Variants in PNKP observed in about 807,000 individuals in gnomAD.
The protein encoded by PNKP is bifunctional polynucleotide phosphatase/kinase.
A neutral mutation model predicts 66.2 loss-of-function variants in PNKP; 82 were observed. That is an observed-to-expected ratio of 1.24 (90% CI 1.04 to 1.49). The LOEUF (loss-of-function observed/expected upper bound fraction) is 1.49, where lower values mean the gene tolerates loss of function less well. Among genes scored for constraint, PNKP ranks in the 40% most tolerant of loss-of-function variants. The pLI, the probability that PNKP is intolerant of heterozygous loss-of-function variation, is 0.00. For missense variants in PNKP, 907 were observed against 706.8 expected, an observed-to-expected ratio of 1.28 and a Z score of -3.21; for synonymous variants, 412 against 298.9, an observed-to-expected ratio of 1.38 and a Z score of -3.90.
chr19:49,866,074 G>A (rs1186247333), intron 3 of PNKP: 2 of 418,562 alleles, frequency 4.8e-6, no homozygotes, highest in South Asian at 2.1e-5. Context: ...GTACAGTGTG[G>A]TGATCACTGC....
chr19:49,865,388 C>T lies in PNKP; in HGVS notation c.237G>A (p.Leu79=). 6.2e-7 allele frequency: 1 copy of T among 1,612,706 alleles called. No individual in the cohort carries two copies. Among genetic ancestry groups the T allele is most frequent in the Non-Finnish European group, 8.5e-7 (1 of 1,179,370 alleles). ...VNPSTTGTQE[L]KPGLEGSLGV... Reference sequence around the variant, plus strand: ...CCAGAGAGCCCTCCAACCCCGGCTTCAACTCCTGGGTCCCGGTAGTTGAGG... The same window carrying T: ...CCAGAGAGCCCTCCAACCCCGGCTTTAACTCCTGGGTCCCGGTAGTTGAGG... Residue 79 remains leucine, a synonymous_variant, in exon 4 of 17, where the codon TTG becomes TTA. Transcript: ENST00000322344.
intron 3 of PNKP, 64 bp downstream of exon 3, chr19:49,866,335 G>T: frequency 6.9e-7 from 1 of 1,451,456 alleles, no homozygotes; most frequent in Non-Finnish European, 9.7e-7. Flanking sequence ...CTTCACTGAC[G>T]GCTTGCAATT....
Position 49,861,530 on chromosome 19 carries a change from G to A in PNKP, c.1387-20C>T. The A allele has an allele frequency of 6.2e-7, 1 of 1,612,488 alleles. No homozygotes were observed. Among genetic ancestry groups the A allele is most frequent in the Non-Finnish European group, 8.5e-7 (1 of 1,179,000 alleles). Reference sequence around the variant, plus strand: ...TCGAAACTGTGGGGAACATCAGAGGGGCGGCAGGCCCAGGGGTCAGGGGAG... The same window carrying A: ...TCGAAACTGTGGGGAACATCAGAGGAGCGGCAGGCCCAGGGGTCAGGGGAG... On this transcript the variant is annotated intron_variant, in intron 15 of 16. Coordinates refer to ENST00000322344, the MANE Select transcript of PNKP (RefSeq NM_007254.4).
At position 49,863,716 on chromosome 19, in the gene PNKP, C is replaced by G; in HGVS notation, c.789G>C (p.Thr263=). ...THAGLYRKPV[T]GMWDHLQEQA... is the part of the protein sequence containing the mutation. ...GCTCCTGCAGATGGTCCCACATGCC[C>G]GTCACCGGCTTCCGGTACAAGCCTG... The change falls in exon 8 of 17, where the codon ACG becomes ACC. Residue 263 remains threonine (T), a synonymous_variant. Transcript: ENST00000322344. The G allele has an allele frequency of 1.3e-6, 2 of 1,557,624 alleles. No individual in the cohort carries two copies. The highest frequency in any genetic ancestry group is 1.7e-6 in the Non-Finnish European group (2 of 1,150,138).
In PNKP at chr19:49,865,307, C is replaced by T. The variant is rs2074810148; in HGVS notation, c.318G>A (p.Trp106Ter). The change falls in exon 4 of 17, where the codon TGG (tryptophan) becomes TGA (stop). Residue 106 changes from tryptophan to a stop codon, truncating the protein, a stop_gained. Coordinates refer to ENST00000322344, the MANE Select transcript of PNKP (RefSeq NM_007254.4). LOFTEE classifies it high-confidence loss of function. Reference sequence around the variant, plus strand: ...GGGATTCTGGTGTGCGGGTCTCTTCCCAGCGCAGGGTCAGTGGGTGGAGGC... The same window carrying T: ...GGGATTCTGGTGTGCGGGTCTCTTCTCAGCGCAGGGTCAGTGGGTGGAGGC... The part of the protein sequence containing the change: ...VNGLHPLTLR[W>*]EETRTPESQP... The T allele has an allele frequency of 1.9e-6, 3 of 1,614,054 alleles. No individual in the cohort carries two copies. The Admixed American group carries it at 5.0e-5, about 27-fold the overall frequency.
chr19:49,861,634 G>T lies in PNKP; in HGVS notation c.1360C>A (p.Leu454Met), dbSNP rs200611702. ...PCRCFLFTAT[L>M]EQARHNNRFR... ...CGGTTGTTGTGGCGCGCCTGCTCCA[G>T]AGTGGCGGTGAAGAGGAAGCAGCGG... Residue 454 changes from leucine to methionine, a missense_variant, in exon 15 of 17, where the codon CTG (leucine) becomes ATG (methionine). Leu to Met is a conservative substitution (Grantham distance 15). Transcript: ENST00000322344. 1,203 of 1,552,620 alleles carry T rather than the reference G, an allele frequency of 7.7e-4. 3 individuals carry two copies. Among genetic ancestry groups the T allele is most frequent in the Middle Eastern group, 3.2e-3 (18 of 5,554 alleles).
At position 49,865,156 on chromosome 19, in the gene PNKP, T is replaced by C. The variant is rs376383779; in HGVS notation, c.469A>G (p.Thr157Ala). Residue 157 changes from threonine to alanine, a missense_variant, in exon 4 of 17, where the codon ACC (threonine) becomes GCC (alanine). Transcript: ENST00000322344. Reference protein sequence around the residue: ...WENLEKLLVFTAAGVKPQGKV... With the variant: ...WENLEKLLVFAAAGVKPQGKV... ...CCCTGGGGTTTCACCCCAGCTGCGG[T>C]GAACACTAGCAACTTCTCCAAGTTC... The C allele has an allele frequency of 2.5e-6, 4 of 1,614,132 alleles. No homozygotes were observed. Among genetic ancestry groups the C allele is most frequent in the Non-Finnish European group, 3.4e-6 (4 of 1,180,018 alleles).
intron 8 of PNKP, among the ~76,000 whole-genome samples, chr19:49,863,029 G>A (rs1174449501): frequency 6.6e-6 from 1 of 152,066 alleles, no homozygotes; most frequent in African/African-American, 2.4e-5. Flanking sequence ...GCGTGCCGGC[G>A]CCTCCCAGGT....
At chr19:49,863,025 C>G (rs546909326) in intron 8 of PNKP, among the ~76,000 whole-genome samples, 1 of 152,154 alleles carries the variant, frequency 6.6e-6, no homozygotes, top group South Asian at 2.1e-4. Flanking sequence ...TCCGGCGTGC[C>G]GGCGCCTCCC....
At position 49,861,263 on chromosome 19, in the gene PNKP, C is replaced by T. The variant is rs771913446; in HGVS notation, c.1551G>A (p.Gln517=). 7 of 1,607,268 alleles carry T rather than the reference C, an allele frequency of 4.4e-6. No homozygotes were observed. The highest frequency in any genetic ancestry group is 3.3e-5 in the Admixed American group (2 of 60,000). Residue 517 remains glutamine, a synonymous_variant, in exon 17 of 17, where the codon CAG becomes CAA. Coordinates refer to ENST00000322344, the MANE Select transcript of PNKP (RefSeq NM_007254.4). ...TGGGCGGGGCTCAGCCCTCGGAGAACTGGCAGTACAGCCGCCCCAGCCTCG... is the reference window on the plus strand; with the variant it reads ...TGGGCGGGGCTCAGCCCTCGGAGAATTGGCAGTACAGCCGCCCCAGCCTCG... ...VEPRLGRLYC[Q]FSEG
rs376683150 is a variant in PNKP at position 49,861,478 on chromosome 19, G to A, written c.1419C>T (p.Pro473=). The A allele has an allele frequency of 1.1e-5, 18 of 1,613,746 alleles. No homozygotes were observed. The highest frequency in any genetic ancestry group is 1.4e-5 in the Non-Finnish European group (17 of 1,179,858). Residue 473 remains proline, a synonymous_variant, in exon 16 of 17, where the codon CCC becomes CCT. Transcript: ENST00000322344. ...FREMTDSSHI[P]VSDMVMYGYR... ...AGCCATACATGACCATGTCTGACAC[G>A]GGGATATGAGAGGAGTCCGTCATCT...
chr19:49,862,965 C>CGTT, intron 8 of PNKP: 1 of 645,454 alleles, frequency 1.5e-6, no homozygotes, highest in South Asian at 1.7e-5. Flanking sequence ...CACCTCCTCC[C>CGTT]GTTCCCCACG....
In PNKP at chr19:49,862,906, C is replaced by G. The variant is rs937247059; in HGVS notation, c.817-168G>C. The G allele has an allele frequency of 8.0e-6, 6 of 746,524 alleles. No homozygotes were observed. In the African/African-American group the frequency reaches 8.6e-5, roughly 11 times the overall value. 46.2% of individuals were successfully genotyped at this position (746,524 alleles called of 1,614,324 possible). ...TGCACCGTGCTCCTGGCCCCCTCCCCCCTCCGTGGTCTCTCCACACAGCCC... is the reference window on the plus strand; with the variant it reads ...TGCACCGTGCTCCTGGCCCCCTCCCGCCTCCGTGGTCTCTCCACACAGCCC... On this transcript the variant is annotated intron_variant, in intron 8 of 16. Coordinates refer to ENST00000322344, the MANE Select transcript of PNKP (RefSeq NM_007254.4).
rs587784367 is a variant in PNKP at position 49,865,323 on chromosome 19, G to A, written c.302C>T (p.Pro101Leu). Reference protein sequence around the residue: ...DTLYLVNGLHPLTLRWEETRT... With the variant: ...DTLYLVNGLHLLTLRWEETRT... ...GGTCTCTTCCCAGCGCAGGGTCAGT[G>A]GGTGGAGGCCATTGACCAAATACAG... Residue 101 changes from proline (P) to leucine (L), a missense_variant, in exon 4 of 17, where the codon CCA (proline) becomes CTA (leucine). By Grantham distance (98) the Pro-to-Leu change is moderately conservative. Transcript: ENST00000322344. 3 of 1,614,160 alleles carry A rather than the reference G, an allele frequency of 1.9e-6. No homozygotes were observed. The highest frequency in any genetic ancestry group is 2.5e-6 in the Non-Finnish European group (3 of 1,180,016).
In PNKP at chr19:49,862,028, A is replaced by T. The variant is rs1254862884; in HGVS notation, c.1188+16T>A. 7 of 1,613,924 alleles carry T rather than the reference A, an allele frequency of 4.3e-6. No homozygotes were observed. The highest frequency in any genetic ancestry group is 5.9e-6 in the Non-Finnish European group (7 of 1,179,794). On this transcript the variant is annotated intron_variant, in intron 13 of 16. Coordinates refer to ENST00000322344, the MANE Select transcript of PNKP (RefSeq NM_007254.4). ...AACTTTATAATAGATTTGGGGCGGC[A>T]AAAGCCTGGTCATACCCTGTTCACG...
chr19:49,861,695 C>T lies in PNKP; in HGVS notation c.1299G>A (p.Arg433=). 9 of 1,547,804 alleles carry T rather than the reference C, an allele frequency of 5.8e-6. No individual in the cohort carries two copies. Among genetic ancestry groups the T allele is most frequent in the Non-Finnish European group, 7.9e-6 (9 of 1,146,308 alleles). The change falls in exon 15 of 17, where the codon AGG becomes AGA. Residue 433 remains arginine, a splice_region_variant and synonymous_variant. Coordinates refer to ENST00000322344, the MANE Select transcript of PNKP (RefSeq NM_007254.4). ...CCGCGGCTCGGGCACACTGGACGTA[C>T]CTGTGGGGGAAGGAGCTGGATGTGC... The part of the protein sequence containing the change: ...NTNPDAASRA[R]YVQCARAAGV...
chr19:49,862,600 C>T lies in PNKP; in HGVS notation c.874G>A (p.Gly292Arg), dbSNP rs773410900. The T allele has an allele frequency of 2.5e-6, 4 of 1,613,682 alleles. No homozygotes were observed. The East Asian group carries it at 8.9e-5, about 36-fold the overall frequency. Residue 292 changes from glycine to arginine, a missense_variant, in exon 10 of 17, where the codon GGA becomes AGA. Transcript: ENST00000322344. ...CCCGGGGCCCAGTTGGCCGGGCGTC[C>T]GGCTGCGTCTGGAACACACGGGACA... ...GDSIFVGDAA[G>R]RPANWAPGRK...
In PNKP at chr19:49,861,787, G is replaced by T; in HGVS notation, c.1283C>A (p.Ala428Asp). 1 of 1,566,224 alleles carries T rather than the reference G, an allele frequency of 6.4e-7. No homozygotes were observed. The highest frequency in any genetic ancestry group is 8.6e-7 in the Non-Finnish European group (1 of 1,159,638). The change falls in exon 14 of 17, where the codon GCC becomes GAC. Residue 428 changes from alanine (A) to aspartate (D), a missense_variant. Ala to Asp is a moderately radical substitution (Grantham distance 126). Transcript: ENST00000322344. The stretch of plus-strand genomic sequence containing the variant: ...GTCACGCTACCTGGCGCGGCTCGCG[G>T]CGTCTGGGTTTGTGTTGTCGATGGC... ...RVAIDNTNPD[A>D]ASRARYVQCA...
At chr19:49,862,503 G>A (rs749313220) in intron 10 of PNKP, 35 bp downstream of exon 10, 1 of 1,599,994 alleles carries the variant, frequency 6.3e-7, no homozygotes, top group Non-Finnish European at 8.5e-7. Context: ...GGCCAGGGTC[G>A]GGCTCGGGCG....
Sources: allele counts gnomAD v4.1 joint callset (sites outside exome capture counted in the v4.1 genomes callset), GRCh38; gene constraint gnomAD v4.1.1; transcripts MANE v1.5; gene names NCBI Gene and HGNC (gene_info 2026-07-23, HGNC 2026-07-21).